The following CRTAC1 variants were observed in gnomAD, a reference collection of about 807,000 sequenced individuals.
CRTAC1 encodes the protein acidic secreted protein in cartilage.
In CRTAC1, 37 loss-of-function variants were observed where a neutral mutation model predicts 67.8. The ratio of observed to expected loss-of-function variants is 0.55; its 90% CI spans 0.42 to 0.72. The LOEUF is 0.72. Ranked by LOEUF, CRTAC1 falls within the 30% of genes least tolerant of loss-of-function variation. The pLI is 0.00. For missense variants in CRTAC1, 780 were observed against 931.6 expected (o/e 0.84, Z 2.12); for synonymous variants, 348 against 371.0 (o/e 0.94, Z 0.71).
intron 2 of CRTAC1, among the ~76,000 whole-genome samples, chr10:97,987,865 C>T (rs768309258): frequency 2.0e-5 from 3 of 152,192 alleles, no homozygotes; most frequent in African/African-American, 7.2e-5. Context: ...ACCCCCTTTG[C>T]ATTTGAAGAT....
rs989657107 is a variant in CRTAC1 at position 97,917,646 on chromosome 10, C to T, written c.569G>A (p.Arg190His). The T allele has an allele frequency of 2.6e-6, 4 of 1,557,426 alleles. No homozygotes were observed. The highest frequency in any genetic ancestry group is 2.3e-5 in the East Asian group (1 of 42,554). Residue 190 changes from arginine to histidine, a missense_variant, in exon 5 of 15, where the codon CGC (arginine) becomes CAC (histidine). Transcript: ENST00000370597. The part of the protein sequence containing the change: ...VACVDRKGSG[R>H]YSIYIANYAY... ...GTAATTGGCAATGTAGATAGAGTAG[C>T]GTCCAGAGCCCTGAGGAAGAAGGGA...
intron 13 of CRTAC1, among the ~76,000 whole-genome samples, chr10:97,882,032 T>C (rs1305449777): frequency 6.6e-6 from 1 of 152,194 alleles, no homozygotes. Flanking sequence ...CTCCATTGGT[T>C]TTCAGCTCCT....
intron 2 of CRTAC1, among the ~76,000 whole-genome samples, chr10:97,947,045 G>A (rs2051275869): frequency 6.6e-6 from 1 of 152,176 alleles, no homozygotes; most frequent in South Asian, 2.1e-4. Context: ...CTACCCAGAA[G>A]CTTCTAGCTA....
intron 3 of CRTAC1, among the ~76,000 whole-genome samples, chr10:97,924,690 A>G (rs1235413976): frequency 3.9e-5 from 6 of 152,190 alleles, no homozygotes; most frequent in Non-Finnish European, 7.3e-5. Flanking sequence ...ATGCACATTA[A>G]AGGTTTGGGA....
At chr10:97,870,975 T>C (rs964511639) in intron 14 of CRTAC1, 3 of 152,196 alleles carry the variant, frequency 2.0e-5, no homozygotes, top group Admixed American at 6.5e-5. Flanking sequence ...TTAAGAACAA[T>C]TGGTTTTGAG....
At position 97,884,195 on chromosome 10, in the gene CRTAC1, C is replaced by G. The variant is rs370346848; in HGVS notation, c.1632+11G>C. ...CTTTTCTGGCTATGAGGCCCAGATGCCTTTGCCCACCTCCAGTGGGGCTGG... is the reference window on the plus strand; with the variant it reads ...CTTTTCTGGCTATGAGGCCCAGATGGCTTTGCCCACCTCCAGTGGGGCTGG... On this transcript the variant is annotated intron_variant, in intron 12 of 14. Coordinates refer to ENST00000370597, the MANE Select transcript of CRTAC1 (RefSeq NM_018058.7). 167 of 1,561,432 alleles carry G rather than the reference C, an allele frequency of 1.1e-4. 1 individual carries two copies. The Middle Eastern group carries it at 1.5e-3, about 14-fold the overall frequency.
intron 2 of CRTAC1, among the ~76,000 whole-genome samples, chr10:97,989,986 C>T (rs748300690): frequency 2.6e-5 from 4 of 152,230 alleles, no homozygotes; most frequent in Admixed American, 1.3e-4. Flanking sequence ...CTTTCAGTGA[C>T]CCTTCTCCGG....
rs2050436161 is a variant in CRTAC1 at position 97,895,049 on chromosome 10, A to C, written c.1486+196T>G. ...GACTCCAGCAAGTGAGATGCATGAA[A>C]ATCTAACCAGCACTTCCCACTCGCC... On this transcript the variant is annotated intron_variant, in intron 11 of 14. Transcript: ENST00000370597. The surrounding 1 kb of genome is among the most constrained non-coding windows in gnomAD (Gnocchi z 4.2). Among the ~76,000 whole-genome samples the C allele has an allele frequency of 6.6e-6, 1 of 151,962 alleles. No individual in the cohort carries two copies.
At position 97,983,768 on chromosome 10, in the gene CRTAC1, C is replaced by T. The variant is rs551080971; in HGVS notation, c.224+27370G>A. On this transcript the variant is annotated intron_variant, in intron 2 of 14. Coordinates refer to ENST00000370597, the MANE Select transcript of CRTAC1 (RefSeq NM_018058.7). ...CTCTGGCCTATGTGTGTGGGTGTGG[C>T]CGGGTGACCATATCAAGATGCGGGT... Among the ~76,000 whole-genome samples, 3 of 152,298 alleles carry T rather than the reference C, an allele frequency of 2.0e-5. No homozygotes were observed. The South Asian group carries it at 6.2e-4, about 32-fold the overall frequency.
chr10:97,902,994 C>T (rs1472448893), intron 7 of CRTAC1, among the ~76,000 whole-genome samples: 2 of 151,928 alleles, frequency 1.3e-5, no homozygotes, highest in South Asian at 2.1e-4. Context: ...GGAAACCTCC[C>T]ATAGCCCCCT....
intron 3 of CRTAC1, among the ~76,000 whole-genome samples, chr10:97,923,852 A>T (rs921311768): frequency 1.1e-4 from 17 of 152,064 alleles, no homozygotes; most frequent in African/African-American, 3.9e-4. Flanking sequence ...GTCTCAGAAG[A>T]AATGGTTCTG....
chr10:98,015,006 A>G (rs1214090913), intron 1 of CRTAC1, among the ~76,000 whole-genome samples: 2 of 152,272 alleles, frequency 1.3e-5, no homozygotes, highest in Non-Finnish European at 2.9e-5. Flanking sequence ...CCATGTTCAT[A>G]GAAGTATTAT....
chr10:98,004,169 T>C (rs1008747909), intron 2 of CRTAC1, among the ~76,000 whole-genome samples: 6 of 152,240 alleles, frequency 3.9e-5, no homozygotes, highest in African/African-American at 1.4e-4. Context: ...CATTCTTCCA[T>C]GATACCAACA....
At chr10:97,869,638 G>A (rs1196875628) in intron 14 of CRTAC1, 1 of 152,304 alleles carries the variant, frequency 6.6e-6, no homozygotes, top group African/African-American at 2.4e-5. Context: ...TGAGTGGCAG[G>A]ATTATGCACT....
At chr10:97,947,716 C>T (rs969347908) in intron 2 of CRTAC1, among the ~76,000 whole-genome samples, 3 of 152,094 alleles carry the variant, frequency 2.0e-5, no homozygotes, top group Non-Finnish European at 4.4e-5. Context: ...TCTTGGTGTA[C>T]TGGGCAACTA....
chr10:97,887,227 G>GTTTTTTTTTTTTTTTTTTTTT (rs71007369), intron 11 of CRTAC1, among the ~76,000 whole-genome samples: 4 of 127,960 alleles, frequency 3.1e-5, no homozygotes, highest in Non-Finnish European at 4.9e-5. Context: ...CGGCACTTAG[G>GTTTTTTTTTTTTTTTTTTTTT]TTTTTTTTTT....
In CRTAC1 at chr10:98,030,383, G is replaced by T. The variant is rs886536157; in HGVS notation, c.24+66C>A. On this transcript the variant is annotated intron_variant, in intron 1 of 14. Coordinates refer to ENST00000370597, the MANE Select transcript of CRTAC1 (RefSeq NM_018058.7). This position sits in a 1 kb window ranked among gnomAD's most constrained non-coding sequence, Gnocchi z 4.2. ...CCGCCACCCTTGCGGGCGGATCCGG[G>T]GGGGCGCGCAGAGCTGGAGAAACTT... 21 of 1,033,588 alleles carry T rather than the reference G, an allele frequency of 2.0e-5. No homozygotes were observed. The highest frequency in any genetic ancestry group is 5.0e-5 in the African/African-American group (3 of 60,574). 64.0% of individuals were successfully genotyped at this position (1,033,588 alleles called of 1,614,324 possible). A position where few individuals can be genotyped will look rare whatever the true frequency, so the allele number is the denominator to read the frequency against.
chr10:98,017,125 A>G (rs1199077706), intron 1 of CRTAC1, among the ~76,000 whole-genome samples: 2 of 152,214 alleles, frequency 1.3e-5, no homozygotes, highest in African/African-American at 4.8e-5. Flanking sequence ...CCTACTATGT[A>G]TTAGAGCACT....
intron 11 of CRTAC1, among the ~76,000 whole-genome samples, chr10:97,893,016 C>G (rs758948915): frequency 3.9e-5 from 6 of 152,186 alleles, no homozygotes; most frequent in Non-Finnish European, 7.3e-5. Context: ...GGGTTTGAAT[C>G]CCAGTGCTGC....
Sources: gnomAD v4.1 joint callset for allele counts (sites outside exome capture counted in the v4.1 genomes callset) on GRCh38, gnomAD v4.1.1 for gene constraint, Gnocchi (gnomAD v3.1) non-coding constraint, MANE v1.5 for transcripts, NCBI Gene and HGNC (gene_info 2026-07-23, HGNC 2026-07-21) for gene names.